Variants in DENND1A observed in about 807,000 individuals in gnomAD.
The protein encoded by DENND1A is DENN domain-containing protein 1A.
A neutral mutation model predicts 113.7 loss-of-function variants in DENND1A; 51 were observed. The ratio of observed to expected loss-of-function variants is 0.45; its 90% CI spans 0.36 to 0.57. The LOEUF is 0.57. Among genes scored for constraint, DENND1A ranks in the 20% least tolerant of loss-of-function variants. The probability of loss-of-function intolerance (pLI) is 0.00; values close to 1 mark genes in which losing one functional copy is unlikely to be tolerated. For synonymous variants in DENND1A, 565 were observed against 570.8 expected (o/e 0.99, Z 0.14); for missense variants, 1,258 against 1,395.9 (o/e 0.90, Z 1.57).
chr9:123,819,145 C>A (rs73666295), intron 2 of DENND1A, among the ~76,000 whole-genome samples: 1 of 152,128 alleles, frequency 6.6e-6, no homozygotes, highest in South Asian at 2.1e-4. Flanking sequence ...GAGTATTTAA[C>A]AACAATCCAC....
Position 123,715,816 on chromosome 9 carries a change from A to G in DENND1A, c.303-39027T>C, listed in dbSNP as rs376050149. Among the ~76,000 whole-genome samples the G allele has an allele frequency of 1.5e-4, 23 of 152,038 alleles. No individual in the cohort carries two copies. The East Asian group carries it at 3.1e-3, about 20-fold the overall frequency. Reference sequence around the variant, plus strand: ...CTCAGCCTACTGAGTAGCTGGGACGAGAGGCGGCGCCACCATGCCCAACTA... The same window carrying G: ...CTCAGCCTACTGAGTAGCTGGGACGGGAGGCGGCGCCACCATGCCCAACTA... On this transcript the variant is annotated intron_variant, in intron 5 of 23. Coordinates refer to ENST00000394215, the MANE Select transcript of DENND1A (RefSeq NM_001352964.2).
At chr9:123,854,396 C>CA (rs1590383345) in intron 2 of DENND1A, among the ~76,000 whole-genome samples, 1 of 151,844 alleles carries the variant, frequency 6.6e-6, no homozygotes, top group South Asian at 2.1e-4. Flanking sequence ...CAAAGTAAAA[C>CA]AAAAAAATAA....
At chr9:123,733,616 T>C (rs2068341963) in intron 5 of DENND1A, among the ~76,000 whole-genome samples, 1 of 151,940 alleles carries the variant, frequency 6.6e-6, no homozygotes, top group Non-Finnish European at 1.5e-5. Flanking sequence ...TTTTAAGAAC[T>C]TCCTTTTTTT....
At chr9:123,584,242 T>C (rs1467909939) in intron 11 of DENND1A, among the ~76,000 whole-genome samples, 2 of 152,194 alleles carry the variant, frequency 1.3e-5, no homozygotes, top group African/African-American at 2.4e-5. Context: ...TGGGATACAT[T>C]TGGATGTGAA....
chr9:123,800,416 T>G (rs1248971938), intron 2 of DENND1A, among the ~76,000 whole-genome samples: 3 of 152,212 alleles, frequency 2.0e-5, no homozygotes. Context: ...TCCAGGTAAG[T>G]AGAAGCTCTC....
intron 3 of DENND1A, among the ~76,000 whole-genome samples, chr9:123,783,619 G>A (rs549157450): frequency 6.6e-6 from 1 of 152,296 alleles, no homozygotes; most frequent in East Asian, 1.9e-4. Context: ...CTTTCTAGAT[G>A]AGGAAATCAA....
chr9:123,816,889 C>T (rs1837586161), intron 2 of DENND1A, among the ~76,000 whole-genome samples: 1 of 152,126 alleles, frequency 6.6e-6, no homozygotes, highest in African/African-American at 2.4e-5. Flanking sequence ...ACCTGTCAGT[C>T]CCAGGGCGAA....
At chr9:123,846,044 T>C (rs951428856) in intron 2 of DENND1A, among the ~76,000 whole-genome samples, 1 of 152,178 alleles carries the variant, frequency 6.6e-6, no homozygotes, top group South Asian at 2.1e-4. Flanking sequence ...ACCCAGTCAC[T>C]GGATAGGTAT....
chr9:123,734,686 C>T (rs2068431423), intron 5 of DENND1A, among the ~76,000 whole-genome samples: 1 of 152,070 alleles, frequency 6.6e-6, no homozygotes. Context: ...GAGGATAATT[C>T]TTCCTCTGCG....
At chr9:123,573,172 T>C (rs895336595) in intron 12 of DENND1A, among the ~76,000 whole-genome samples, 1 of 152,194 alleles carries the variant, frequency 6.6e-6, no homozygotes, top group Non-Finnish European at 1.5e-5. Context: ...TACACTGTCT[T>C]GATTACTGTA....
At chr9:123,715,313 T>C (rs2066901806) in intron 5 of DENND1A, among the ~76,000 whole-genome samples, 1 of 152,242 alleles carries the variant, frequency 6.6e-6, no homozygotes. Context: ...GTTGGCAGTA[T>C]ATCCCACTGG....
chr9:123,905,997 A>G (rs2133961514), intron 1 of DENND1A, among the ~76,000 whole-genome samples: 1 of 152,012 alleles, frequency 6.6e-6, no homozygotes, highest in South Asian at 2.1e-4. Context: ...CAGAGATTAT[A>G]ACAAACTATC....
At chr9:123,682,560 AAACAAAACAG>A (rs2064537515) in intron 5 of DENND1A, among the ~76,000 whole-genome samples, 1 of 152,144 alleles carries the variant, frequency 6.6e-6, no homozygotes, top group Admixed American at 6.5e-5. Flanking sequence ...CTTCCTATTA[AAACAAAACAG>A]AACAAAACAA....
intron 11 of DENND1A, among the ~76,000 whole-genome samples, chr9:123,604,405 A>C (rs1295378906): frequency 6.6e-6 from 1 of 152,200 alleles, no homozygotes; most frequent in African/African-American, 2.4e-5. Flanking sequence ...TCTGGTCTAC[A>C]CACAATCCTG....
intron 5 of DENND1A, among the ~76,000 whole-genome samples, chr9:123,698,086 A>G (rs1399657755): frequency 6.6e-6 from 1 of 152,218 alleles, no homozygotes; most frequent in Non-Finnish European, 1.5e-5. Flanking sequence ...ATAAGCAGAA[A>G]TAAGTTGCTC....
intron 13 of DENND1A, among the ~76,000 whole-genome samples, chr9:123,511,523 G>A (rs2772219): frequency 0.56 from 85,873 of 152,138 alleles, 26,610 homozygotes; most frequent in East Asian, 0.71. Flanking sequence ...GCAGCTGCTC[G>A]GTCACTGTTG....
intron 4 of DENND1A, among the ~76,000 whole-genome samples, chr9:123,767,089 C>T (rs1408010503): frequency 6.6e-6 from 1 of 152,038 alleles, no homozygotes; most frequent in Non-Finnish European, 1.5e-5. Context: ...ACTTTATGGG[C>T]CTCAGAATCT....
At chr9:123,699,928 C>T (rs112205541) in intron 5 of DENND1A, among the ~76,000 whole-genome samples, 10 of 151,978 alleles carry the variant, frequency 6.6e-5, no homozygotes, top group Non-Finnish European at 1.2e-4. Flanking sequence ...AAACTCCCAA[C>T]CTCAGGTGAT....
intron 12 of DENND1A, among the ~76,000 whole-genome samples, chr9:123,571,292 AAAAATTAAC>A: frequency 2.0e-5 from 3 of 152,382 alleles, no homozygotes; most frequent in Middle Eastern, 6.8e-3. Context: ...TGCTACTTTT[AAAAATTAAC>A]TAAGTCATAA....
Sources: gnomAD v4.1 joint callset for allele counts (sites outside exome capture counted in the v4.1 genomes callset) on GRCh38, gnomAD v4.1.1 for gene constraint, MANE v1.5 for transcripts, NCBI Gene and HGNC (gene_info 2026-07-23, HGNC 2026-07-21) for gene names.